MT1B: variants seen among roughly 807,000 people sequenced by gnomAD.
MT1B encodes metallothionein 1B.
A neutral mutation model predicts 7.9 loss-of-function variants in MT1B; 4 were observed. The ratio of observed to expected loss-of-function variants is 0.51; its 90% confidence interval spans 0.25 to 1.16. MT1B has a LOEUF of 1.16. MT1B is among the 50% of genes most tolerant of loss of function. The probability of loss-of-function intolerance (pLI) is 0.15; values close to 1 mark genes in which losing one functional copy is unlikely to be tolerated. For missense variants in MT1B, 76 were observed against 75.2 expected (o/e 1.01, Z -0.04); for synonymous variants, 22 against 27.6 (o/e 0.80, Z 0.63).
intron 2 of MT1B, among the ~76,000 whole-genome samples, 159 bp from the exon 3 acceptor site, chr16:56,652,815 T>C (rs566834734): frequency 2.6e-5 from 4 of 152,324 alleles, no homozygotes; most frequent in African/African-American, 7.2e-5. Context: ...CTTTTTCTAT[T>C]GGGACACAAA....
rs1408446870 is a variant in MT1B at position 56,653,194 on chromosome 16, T to A, written c.*129T>A. The A allele has an allele frequency of 3.6e-6, 3 of 826,218 alleles. No individual in the cohort carries two copies. The highest frequency in any genetic ancestry group is 5.6e-6 in the Non-Finnish European group (3 of 534,092). 51.2% of individuals were successfully genotyped at this position (826,218 alleles called of 1,614,324 possible). A position where few individuals can be genotyped will look rare whatever the true frequency, so the allele number is the denominator to read the frequency against. ...CAATATGTGAAAGACAATAAAACACTTTTGACTTGATTCTGACTCTCCTTT... is the reference window on the plus strand; with the variant it reads ...CAATATGTGAAAGACAATAAAACACATTTGACTTGATTCTGACTCTCCTTT... On this transcript the variant is annotated 3_prime_UTR_variant, in exon 3 of 3. Coordinates refer to ENST00000334346, the MANE Select transcript of MT1B (RefSeq NM_005947.3).
At chr16:56,652,449 A>T in intron 1 of MT1B, 122 bp from the exon 2 acceptor site, 1 of 962,492 alleles carries the variant, frequency 1.0e-6, no homozygotes, top group Non-Finnish European at 1.7e-6. Flanking sequence ...CTCCGCTCTG[A>T]GTGGGAAAGG....
chr16:56,652,036 A>T, intron 1 of MT1B, 55 bp downstream of exon 1: 1 of 1,606,236 alleles, frequency 6.2e-7, no homozygotes, highest in Non-Finnish European at 8.5e-7. Flanking sequence ...CACTGTACAC[A>T]GTGTCCCTGG....
chr16:56,652,057 G>C, intron 1 of MT1B, 76 bp downstream of exon 1: 2 of 1,574,378 alleles, frequency 1.3e-6, no homozygotes, highest in Middle Eastern at 1.7e-4. Flanking sequence ...GTTAGAGAAG[G>C]TTGCATTATG....
Position 56,652,618 on chromosome 16 carries a change from T to A in MT1B, c.76T>A (p.Cys26Ser). The change falls in exon 2 of 3, where the codon TGT becomes AGT. Residue 26 changes from cysteine to serine, a missense_variant. Physicochemically the swap from Cys to Ser is moderately radical, Grantham distance 112. Transcript: ENST00000334346. ...CTCCTGCAAGTGCAAAGAGTGCAAA[T>A]GTACCTCCTGCAAGAAGTGTGAGTG... ...AGSCKCKECKCTSCKKCCCSC... is the reference protein window; with the variant it reads ...AGSCKCKECKSTSCKKCCCSC... The A allele has an allele frequency of 6.2e-7, 1 of 1,614,024 alleles. No individual in the cohort carries two copies. The highest frequency in any genetic ancestry group is 1.7e-5 in the Admixed American group (1 of 60,016).
chr16:56,652,183 G>A (rs183465875), intron 1 of MT1B, among the ~76,000 whole-genome samples: 18 of 152,348 alleles, frequency 1.2e-4, no homozygotes, highest in Admixed American at 4.6e-4. Flanking sequence ...TCTGAGGATC[G>A]AGGCTGTCCT....
Position 56,652,469 on chromosome 16 carries a change from G to A in MT1B, c.29-102G>A, listed in dbSNP as rs188805195. On this transcript the variant is annotated intron_variant, in intron 1 of 2. Coordinates refer to ENST00000334346, the MANE Select transcript of MT1B (RefSeq NM_005947.3). ...CTCTGAGTGGGAAAGGAGCTCTGAT[G>A]GCTGGCCCTGCACAGAGGATGGCGC... is the stretch of plus-strand genomic sequence containing the variant. The A allele has an allele frequency of 8.0e-4, 908 of 1,132,364 alleles. 2 individuals carry two copies. Among genetic ancestry groups the A allele is most frequent in the Non-Finnish European group, 1.1e-3 (786 of 747,642 alleles). The allele number at this position is 1,132,364 out of a possible 1,614,324, so 70.1% of individuals were successfully genotyped here.
At chr16:56,652,525 T>G in intron 1 of MT1B, 46 bp from the exon 2 acceptor site, 1 of 1,580,820 alleles carries the variant, frequency 6.3e-7, no homozygotes, top group Non-Finnish European at 8.7e-7. Flanking sequence ...CTGCTGTACC[T>G]TCTGCATCTT....
chr16:56,652,264 C>G (rs943618070), intron 1 of MT1B, among the ~76,000 whole-genome samples: 3 of 152,180 alleles, frequency 2.0e-5, no homozygotes, highest in South Asian at 2.1e-4. Context: ...TCTGAGCAGC[C>G]GGGAAGGGTG....
chr16:56,653,169 C>A lies in MT1B; in HGVS notation c.*104C>A. The A allele has an allele frequency of 1.9e-6, 2 of 1,072,262 alleles. No individual in the cohort carries two copies. The highest frequency in any genetic ancestry group is 2.8e-6 in the Non-Finnish European group (2 of 725,684). The allele number at this position is 1,072,262 out of a possible 1,614,324, so 66.4% of individuals were successfully genotyped here. ...GGTTTGCTACATTCTTTTTTCTATT[C>A]AATATGTGAAAGACAATAAAACACT... On this transcript the variant is annotated 3_prime_UTR_variant, in exon 3 of 3. Coordinates refer to ENST00000334346, the MANE Select transcript of MT1B (RefSeq NM_005947.3).
intron 2 of MT1B, 144 bp downstream of exon 2, chr16:56,652,780 C>T (rs1229981699): frequency 1.5e-5 from 19 of 1,243,950 alleles, no homozygotes; most frequent in Non-Finnish European, 2.2e-5. Flanking sequence ...GCTTTCTGCT[C>T]TGAGCTCAGA....
intron 2 of MT1B, 118 bp from the exon 3 acceptor site, chr16:56,652,856 C>T (rs1287583066): frequency 2.3e-6 from 3 of 1,279,940 alleles, no homozygotes; most frequent in African/African-American, 1.5e-5. Flanking sequence ...CACAGCTGTG[C>T]CAGCCTAAAA....
chr16:56,651,990 C>T lies in MT1B; in HGVS notation c.28+9C>T, dbSNP rs770081685. 1.1e-5 allele frequency: 18 copies of T among 1,614,082 alleles called. No individual in the cohort carries two copies. Among genetic ancestry groups the T allele is most frequent in the African/African-American group, 2.7e-5 (2 of 74,942 alleles). ...CTGCTCCTGCACCACAGGTAAGGGA[C>T]GCCTGGCTCTGGGCCTTGAGATGCC... On this transcript the variant is annotated intron_variant, in intron 1 of 2. Transcript: ENST00000334346.
chr16:56,652,295 C>T (rs1960564044), intron 1 of MT1B, among the ~76,000 whole-genome samples: 2 of 152,218 alleles, frequency 1.3e-5, no homozygotes, highest in Admixed American at 1.3e-4. Context: ...GACATAGCCT[C>T]TTCAGAGTTC....
intron 1 of MT1B, 62 bp downstream of exon 1, chr16:56,652,043 C>T (rs1201128721): frequency 6.3e-7 from 1 of 1,591,052 alleles, no homozygotes; most frequent in Non-Finnish European, 8.6e-7. Flanking sequence ...CACAGTGTCC[C>T]TGGGTTAGAG....
chr16:56,652,888 G>A, intron 2 of MT1B, 86 bp from the exon 3 acceptor site: 3 of 1,455,162 alleles, frequency 2.1e-6, no homozygotes, highest in Non-Finnish European at 2.9e-6. Context: ...GGGTGTGGGG[G>A]CTGAACTTCA....
In MT1B at chr16:56,651,950, C is replaced by G; in HGVS notation, c.-4C>G. On this transcript the variant is annotated 5_prime_UTR_variant, in exon 1 of 3. Coordinates refer to ENST00000334346, the MANE Select transcript of MT1B (RefSeq NM_005947.3). ...TAGGAACTCCAGGCTTGTCTTGGCTCCAAATGGATCCCAACTGCTCCTGCA... is the reference window on the plus strand; with the variant it reads ...TAGGAACTCCAGGCTTGTCTTGGCTGCAAATGGATCCCAACTGCTCCTGCA... 1 of 1,614,230 alleles carries G rather than the reference C, an allele frequency of 6.2e-7. No homozygotes were observed. The highest frequency in any genetic ancestry group is 8.5e-7 in the Non-Finnish European group (1 of 1,180,036).
intron 1 of MT1B, among the ~76,000 whole-genome samples, 198 bp downstream of exon 1, chr16:56,652,179 G>A (rs1355589156): frequency 2.0e-5 from 3 of 152,266 alleles, no homozygotes; most frequent in Admixed American, 1.3e-4. Context: ...GGATTCTGAG[G>A]ATCGAGGCTG....
In MT1B at chr16:56,652,551, C is replaced by T. The variant is rs2144332936; in HGVS notation, c.29-20C>T. On this transcript the variant is annotated intron_variant, in intron 1 of 2. Coordinates refer to ENST00000334346, the MANE Select transcript of MT1B (RefSeq NM_005947.3). ...TCTGCATCTTACTCACTGCCCACTGCCTTTTTCGCTTCCTTGCAGGTGGCT... is the reference window on the plus strand; with the variant it reads ...TCTGCATCTTACTCACTGCCCACTGTCTTTTTCGCTTCCTTGCAGGTGGCT... 6.2e-7 allele frequency: 1 copy of T among 1,613,230 alleles called. No individual in the cohort carries two copies. The highest frequency in any genetic ancestry group is 1.1e-5 in the South Asian group (1 of 91,066).
Sources: allele counts gnomAD v4.1 joint callset (sites outside exome capture counted in the v4.1 genomes callset), GRCh38; gene constraint gnomAD v4.1.1; transcripts MANE v1.5; gene names NCBI Gene and HGNC (gene_info 2026-07-23, HGNC 2026-07-21).